Variants in PAM observed in about 807,000 individuals in gnomAD.
PAM encodes peptidyl-glycine alpha-amidating monooxygenase.
Under a neutral mutation model 122.1 loss-of-function variants are expected in PAM, and 72 were observed. The observed-to-expected ratio is 0.59, with a 90% CI of 0.49 to 0.72. The LOEUF is 0.72. Among genes scored for constraint, PAM ranks in the 30% least tolerant of loss-of-function variants. The pLI is 0.00. For synonymous variants in PAM, 389 were observed against 404.4 expected (o/e 0.96, Z 0.46); for missense variants, 1,106 against 1,183.7 (o/e 0.93, Z 0.96).
At chr5:102,839,052 A>G (rs1698778591) in intron 1 of PAM, among the ~76,000 whole-genome samples, 1 of 152,200 alleles carries the variant, frequency 6.6e-6, no homozygotes, top group Non-Finnish European at 1.5e-5. Context: ...AGATGCGTAT[A>G]TAAAGCTTAG....
At chr5:102,905,284 C>T (rs1289586730) in intron 4 of PAM, among the ~76,000 whole-genome samples, 4 of 151,654 alleles carry the variant, frequency 2.6e-5, no homozygotes, top group Non-Finnish European at 5.9e-5. Context: ...TGCTTTCCCT[C>T]ACATGGATGA....
intron 7 of PAM, among the ~76,000 whole-genome samples, chr5:102,946,618 G>T (rs924708120): frequency 1.3e-5 from 2 of 149,402 alleles, no homozygotes; most frequent in African/African-American, 5.0e-5. Context: ...AAATACCATA[G>T]ACTGCATGAA....
chr5:102,920,333 T>C, intron 5 of PAM, among the ~76,000 whole-genome samples: 1 of 152,098 alleles, frequency 6.6e-6, no homozygotes, highest in East Asian at 1.9e-4. Flanking sequence ...AAGCACTTTG[T>C]TGGGCATGGA....
chr5:102,778,476 A>C (rs920665260), intron 1 of PAM, among the ~76,000 whole-genome samples: 12 of 152,302 alleles, frequency 7.9e-5, no homozygotes, highest in African/African-American at 2.4e-4. Flanking sequence ...TTAAGGATTC[A>C]GAATAATCAA....
intron 3 of PAM, 105 bp from the exon 4 acceptor site, chr5:102,901,251 C>G (rs1193711664): frequency 1.5e-6 from 1 of 661,262 alleles, no homozygotes; most frequent in African/African-American, 1.8e-5. Context: ...GAAAACTACC[C>G]TCACTGACTA....
chr5:102,950,014 AT>A (rs1758277211), intron 11 of PAM, 36 bp downstream of exon 11: 1 of 1,042,108 alleles, frequency 9.6e-7, no homozygotes, highest in Admixed American at 1.8e-5. Flanking sequence ...AGAGAAAAAA[AT>A]ATTAACCAGC....
chr5:102,996,240 A>G (rs1199808858), intron 16 of PAM, among the ~76,000 whole-genome samples: 1 of 152,206 alleles, frequency 6.6e-6, no homozygotes, highest in African/African-American at 2.4e-5. Context: ...AGTCTTTTCA[A>G]CTGAGTGCTT....
intron 12 of PAM, among the ~76,000 whole-genome samples, chr5:102,956,865 A>T (rs7448173): frequency 0.015 from 2,213 of 151,950 alleles, 52 homozygotes; most frequent in African/African-American, 0.052. Context: ...TTTTAGTACA[A>T]TTTTTTTTCA....
At chr5:102,950,679 G>T (rs773426761) in intron 11 of PAM, 38 bp from the exon 12 acceptor site, 1 of 1,189,386 alleles carries the variant, frequency 8.4e-7, no homozygotes, top group Admixed American at 1.7e-5. Flanking sequence ...GATTTTATTG[G>T]TAATATTAAT....
intron 20 of PAM, among the ~76,000 whole-genome samples, chr5:103,008,284 A>C (rs958679872): frequency 1.3e-5 from 2 of 152,038 alleles, no homozygotes; most frequent in East Asian, 3.8e-4. Context: ...TTTACATACA[A>C]TTACAATTTT....
chr5:102,901,285 G>T, intron 3 of PAM, 71 bp from the exon 4 acceptor site: 1 of 897,878 alleles, frequency 1.1e-6, no homozygotes, highest in East Asian at 2.6e-5. Context: ...TAGAAGCCAC[G>T]TTTTAATAGT....
At chr5:102,842,490 C>G (rs1778904068) in intron 1 of PAM, among the ~76,000 whole-genome samples, 1 of 152,192 alleles carries the variant, frequency 6.6e-6, no homozygotes, top group Non-Finnish European at 1.5e-5. Flanking sequence ...ACGTGACTTG[C>G]TCTTCCTTGC....
chr5:103,007,933 C>T (rs564507432), intron 20 of PAM, among the ~76,000 whole-genome samples: 1 of 152,180 alleles, frequency 6.6e-6, no homozygotes, highest in South Asian at 2.1e-4. Context: ...TAATTATGAT[C>T]ATCTGCTCCA....
At chr5:102,864,439 T>G (rs768871308) in intron 1 of PAM, 6 of 152,096 alleles carry the variant, frequency 3.9e-5, no homozygotes, top group African/African-American at 7.2e-5. Context: ...TTATGTAAAT[T>G]AGCTGACCCT....
chr5:102,981,799 G>A (rs181264552), intron 15 of PAM, among the ~76,000 whole-genome samples: 3 of 152,310 alleles, frequency 2.0e-5, no homozygotes, highest in East Asian at 3.9e-4. Context: ...CATGAGAGAA[G>A]AATGAATGAA....
intron 1 of PAM, among the ~76,000 whole-genome samples, chr5:102,761,731 A>C (rs1025961357): frequency 6.6e-6 from 1 of 152,238 alleles, no homozygotes; most frequent in Non-Finnish European, 1.5e-5. Context: ...TATTATTTTT[A>C]AGCACTTATG....
At chr5:102,890,231 G>C (rs1465035721) in intron 3 of PAM, among the ~76,000 whole-genome samples, 1 of 151,794 alleles carries the variant, frequency 6.6e-6, no homozygotes, top group African/African-American at 2.4e-5. Context: ...TTCATAGATG[G>C]TGGTATGTAT....
intron 1 of PAM, among the ~76,000 whole-genome samples, chr5:102,771,087 T>C (rs1239795249): frequency 2.0e-5 from 3 of 152,254 alleles, no homozygotes; most frequent in Admixed American, 6.5e-5. Flanking sequence ...ATTGCGGCTA[T>C]GTAGAGAAAA....
chr5:102,917,412 C>T (rs1581676400), intron 5 of PAM, among the ~76,000 whole-genome samples: 2 of 152,178 alleles, frequency 1.3e-5, no homozygotes. Flanking sequence ...TAAATGAAGA[C>T]TCCTAAACTT....
Sources: gnomAD v4.1 joint callset for allele counts (sites outside exome capture counted in the v4.1 genomes callset) on GRCh38, gnomAD v4.1.1 for gene constraint, MANE v1.5 for transcripts, NCBI Gene and HGNC (gene_info 2026-07-23, HGNC 2026-07-21) for gene names.